The following MSI2 variants were observed in gnomAD, a reference collection of about 807,000 sequenced individuals.
MSI2 encodes the protein musashi RNA binding protein 2.
A neutral mutation model predicts 45.6 loss-of-function variants in MSI2; 17 were observed. That is an observed-to-expected ratio of 0.37 (90% CI 0.26 to 0.56). The LOEUF is 0.56. Ranked by LOEUF, MSI2 falls within the 20% of genes least tolerant of loss-of-function variation. The pLI, the probability that MSI2 is intolerant of heterozygous loss-of-function variation, is 0.77. For synonymous variants in MSI2, 156 were observed against 158.2 expected, an observed-to-expected ratio of 0.99 and a Z score of 0.11; for missense variants, 293 against 444.2, an observed-to-expected ratio of 0.66 and a Z score of 3.06.
chr17:57,312,992 G>A (rs762722013), intron 5 of MSI2, among the ~76,000 whole-genome samples: 4 of 152,198 alleles, frequency 2.6e-5, no homozygotes, highest in South Asian at 2.1e-4. Flanking sequence ...AACTACAGGC[G>A]TGTGCCACCA....
chr17:57,358,681 C>G (rs755593906), intron 5 of MSI2, among the ~76,000 whole-genome samples: 3 of 152,092 alleles, frequency 2.0e-5, no homozygotes, highest in Non-Finnish European at 4.4e-5. Context: ...ACACAAATTC[C>G]ATGAAAACCA....
At chr17:57,574,203 A>T (rs2087953290) in intron 7 of MSI2, among the ~76,000 whole-genome samples, 1 of 152,186 alleles carries the variant, frequency 6.6e-6, no homozygotes, top group Non-Finnish European at 1.5e-5. Flanking sequence ...GGGGAAAGCT[A>T]ATGGCCAAGG....
At chr17:57,318,413 T>C (rs1913043118) in intron 5 of MSI2, among the ~76,000 whole-genome samples, 1 of 152,182 alleles carries the variant, frequency 6.6e-6, no homozygotes, top group Non-Finnish European at 1.5e-5. Context: ...TGAAGACTCT[T>C]TCCTCACTTC....
intron 6 of MSI2, among the ~76,000 whole-genome samples, chr17:57,436,202 G>T (rs1311238450): frequency 6.6e-6 from 1 of 152,152 alleles, no homozygotes; most frequent in Non-Finnish European, 1.5e-5. Flanking sequence ...GTGGGCAAGC[G>T]ACTTGACCTC....
intron 6 of MSI2, among the ~76,000 whole-genome samples, chr17:57,443,935 C>T (rs1229860254): frequency 6.6e-6 from 1 of 152,180 alleles, no homozygotes; most frequent in Admixed American, 6.5e-5. Flanking sequence ...CTCCTGAGTC[C>T]AGTGGTGTCT....
chr17:57,290,145 G>A (rs1331243809), intron 5 of MSI2, among the ~76,000 whole-genome samples: 1 of 152,114 alleles, frequency 6.6e-6, no homozygotes, highest in Non-Finnish European at 1.5e-5. Flanking sequence ...ATCTCTCTGT[G>A]CTTCAGTTTT....
intron 6 of MSI2, among the ~76,000 whole-genome samples, chr17:57,507,185 G>GT (rs1335765424): frequency 7.1e-6 from 1 of 141,472 alleles, no homozygotes; most frequent in African/African-American, 2.7e-5. Flanking sequence ...TGGGGGGGGG[G>GT]GGTGTAAATC....
At chr17:57,597,005 C>G (rs1422059182) in intron 8 of MSI2, 55 bp downstream of exon 8, 1 of 1,314,232 alleles carries the variant, frequency 7.6e-7, no homozygotes, top group East Asian at 2.3e-5. Flanking sequence ...TACGTACACA[C>G]CCAGTCTTGC....
chr17:57,680,002 A>G lies in MSI2; in HGVS notation c.*485A>G, dbSNP rs139967095. ...GTTCTCACTTTTAAAGGATGCTGAGATGGTAATATGACTCTCCATATTTTG... is the reference window on the plus strand; with the variant it reads ...GTTCTCACTTTTAAAGGATGCTGAGGTGGTAATATGACTCTCCATATTTTG... On this transcript the variant is annotated 3_prime_UTR_variant, in exon 14 of 14. Transcript: ENST00000284073. 1.5e-4 allele frequency: 33 copies of G among 227,540 alleles called. No homozygotes were observed. In the South Asian group the frequency reaches 3.5e-3, roughly 24 times the overall value. 14.1% of individuals were successfully genotyped at this position (227,540 alleles called of 1,614,324 possible).
chr17:57,560,498 G>A (rs913056819), intron 7 of MSI2, among the ~76,000 whole-genome samples: 2 of 152,156 alleles, frequency 1.3e-5, no homozygotes, highest in African/African-American at 4.8e-5. Flanking sequence ...AGATCACCAC[G>A]TTTTGGGAGA....
At chr17:57,295,436 A>T (rs1353125909) in intron 5 of MSI2, among the ~76,000 whole-genome samples, 1 of 152,124 alleles carries the variant, frequency 6.6e-6, no homozygotes, top group Non-Finnish European at 1.5e-5. Context: ...CACAAATAAG[A>T]ACTCAGTTTC....
intron 6 of MSI2, among the ~76,000 whole-genome samples, chr17:57,514,121 A>T (rs1454939578): frequency 6.6e-6 from 1 of 152,232 alleles, no homozygotes; most frequent in East Asian, 1.9e-4. Flanking sequence ...GAAGTGTAGT[A>T]AATCTACCAG....
chr17:57,661,288 G>A (rs8065120), intron 11 of MSI2, among the ~76,000 whole-genome samples: 20,705 of 152,128 alleles, frequency 0.14, 1,977 homozygotes, highest in East Asian at 0.4. Context: ...TTCCTACAAG[G>A]TCAGAGAGTA....
At position 57,377,112 on chromosome 17, in the gene MSI2, A is replaced by G. The variant is rs566605983; in HGVS notation, c.313-24267A>G. Among the ~76,000 whole-genome samples, 618 of 152,124 alleles carry G rather than the reference A, an allele frequency of 4.1e-3. 3 individuals carry two copies. The highest frequency in any genetic ancestry group is 0.014 in the South Asian group (65 of 4,812). On this transcript the variant is annotated intron_variant, in intron 5 of 13. Transcript: ENST00000284073. ...ATTTTTTGTATTTTTAGTAGAGACG[A>G]GGTTTCACTGTGTTTACCAGGATGG...
intron 9 of MSI2, among the ~76,000 whole-genome samples, chr17:57,622,819 A>G (rs1247981227): frequency 6.6e-6 from 1 of 152,202 alleles, no homozygotes; most frequent in Admixed American, 6.5e-5. Context: ...GGTTATTCTC[A>G]AGGAAGTGTT....
chr17:57,516,648 A>G (rs919841611), intron 6 of MSI2, among the ~76,000 whole-genome samples: 2 of 152,318 alleles, frequency 1.3e-5, no homozygotes, highest in South Asian at 4.1e-4. Context: ...AGCATAGGGT[A>G]GTCATTTGCC....
intron 5 of MSI2, among the ~76,000 whole-genome samples, chr17:57,382,660 C>T (rs10445350): frequency 0.48 from 72,191 of 151,512 alleles, 19,953 homozygotes; most frequent in South Asian, 0.67. Flanking sequence ...TCTGCAGATA[C>T]CCTGCCTCCC....
rs60099657 is a variant in MSI2, at chr17:57,469,100, G to T, written c.406-60576G>T. ...TTGGTAAAAGCCTCAGGAGACCATG[G>T]CTGGCTCCAAGAGCCTCTTTGTGCT... On this transcript the variant is annotated intron_variant, in intron 6 of 13. Coordinates refer to ENST00000284073, the MANE Select transcript of MSI2 (RefSeq NM_138962.4). 4.3e-3 allele frequency among the ~76,000 whole-genome samples: 654 copies of T among 152,256 alleles called. 1 individual carries two copies. Among genetic ancestry groups the T allele is most frequent in the African/African-American group, 0.015 (621 of 41,532 alleles).
Position 57,445,971 on chromosome 17 carries a change from G to A in MSI2, c.405+44500G>A, listed in dbSNP as rs556273101. On this transcript the variant is annotated intron_variant, in intron 6 of 13. Transcript: ENST00000284073. Reference sequence around the variant, plus strand: ...CCCTGTCTCTGCCAGGCACTGTTCCGGGTATTGGGGATACAGAGGTGAGTA... The same window carrying A: ...CCCTGTCTCTGCCAGGCACTGTTCCAGGTATTGGGGATACAGAGGTGAGTA... Among the ~76,000 whole-genome samples, 215 of 152,260 alleles carry A rather than the reference G, an allele frequency of 1.4e-3. 1 individual carries two copies. Among genetic ancestry groups the A allele is most frequent in the Non-Finnish European group, 2.5e-3 (172 of 68,020 alleles).
Sources: allele counts gnomAD v4.1 joint callset (sites outside exome capture counted in the v4.1 genomes callset), GRCh38; gene constraint gnomAD v4.1.1; transcripts MANE v1.5; gene names NCBI Gene and HGNC (gene_info 2026-07-23, HGNC 2026-07-21).